PPFIA2: variants seen among roughly 807,000 people sequenced by gnomAD.
PPFIA2 encodes PPFI scaffold protein A2, also known as liprin-alpha-2.
PPFIA2 carries 46 observed loss-of-function variants against 175.5 expected under a neutral mutation model. The ratio of observed to expected loss-of-function variants is 0.26; its 90% confidence interval spans 0.21 to 0.34. The LOEUF (loss-of-function observed/expected upper bound fraction) is 0.34. PPFIA2 is among the 10% of genes least tolerant of loss of function. The pLI is 1.00. For missense variants in PPFIA2, 1,179 were observed against 1,506.1 expected (o/e 0.78, Z 3.60); for synonymous variants, 568 against 511.4 (o/e 1.11, Z -1.49).
At chr12:81,745,261 C>T (rs2082888408) in intron 3 of PPFIA2, among the ~76,000 whole-genome samples, 2 of 152,132 alleles carry the variant, frequency 1.3e-5, no homozygotes, top group Admixed American at 1.3e-4. Flanking sequence ...AGTTTCTCCC[C>T]TTACACTTGG....
chr12:81,529,567 G>C (rs1417448989), intron 4 of PPFIA2, among the ~76,000 whole-genome samples: 1 of 150,900 alleles, frequency 6.6e-6, no homozygotes, highest in East Asian at 2.0e-4. Context: ...GAAAGAGAGA[G>C]AGAGAGAGAG....
intron 11 of PPFIA2, among the ~76,000 whole-genome samples, chr12:81,373,268 C>T (rs1037413991): frequency 6.6e-6 from 1 of 151,730 alleles, no homozygotes. Context: ...ATCTAACCCC[C>T]CAAAACAGTG....
At chr12:81,526,331 G>A (rs1366503228) in intron 4 of PPFIA2, among the ~76,000 whole-genome samples, 4 of 152,186 alleles carry the variant, frequency 2.6e-5, no homozygotes, top group African/African-American at 9.7e-5. Flanking sequence ...ATTTGTGGCT[G>A]TGAGCTTTTG....
chr12:81,552,746 A>G (rs187597413), intron 4 of PPFIA2, among the ~76,000 whole-genome samples: 193 of 152,222 alleles, frequency 1.3e-3, no homozygotes, highest in Non-Finnish European at 2.0e-3. Context: ...ATTTTACATA[A>G]GTGAAAAAGT....
At chr12:81,314,248 G>T (rs117960328) in intron 22 of PPFIA2, among the ~76,000 whole-genome samples, 10,761 of 151,808 alleles carry the variant, frequency 0.071, 527 homozygotes, top group Middle Eastern at 0.15. Context: ...ATATATATTT[G>T]CAGAGAAGTT....
intron 3 of PPFIA2, among the ~76,000 whole-genome samples, chr12:81,705,305 A>C (rs2076988954): frequency 6.7e-6 from 1 of 150,102 alleles, no homozygotes; most frequent in Non-Finnish European, 1.5e-5. Flanking sequence ...AATACAAAAA[A>C]ATTAGCTGGG....
intron 4 of PPFIA2, among the ~76,000 whole-genome samples, chr12:81,635,969 CAA>C (rs1369051941): frequency 6.6e-6 from 1 of 152,026 alleles, no homozygotes; most frequent in East Asian, 1.9e-4. Context: ...ATTTTAGAAA[CAA>C]AGATATCTTG....
Position 81,267,727 on chromosome 12 carries a change from GATT to G in PPFIA2, c.3486+182_3486+184del, listed in dbSNP as rs752732567. ...AAATCCCTTTCTTGTTTAATTGTAT[GATT>G]TTTTTTTTTTTTTTTTTGGCTAGAA... On this transcript the variant is annotated intron_variant, in intron 29 of 32. Transcript: ENST00000549396. Among the ~76,000 whole-genome samples, 1,225 of 136,904 alleles carry G rather than the reference GATT, an allele frequency of 8.9e-3. 21 individuals are homozygous for G. Among genetic ancestry groups the G allele is most frequent in the African/African-American group, 0.034 (1,154 of 34,110 alleles). 89.8% of individuals were successfully genotyped at this position (136,904 alleles called of 152,430 possible).
intron 3 of PPFIA2, among the ~76,000 whole-genome samples, chr12:81,688,468 A>T (rs933593769): frequency 2.6e-5 from 4 of 151,910 alleles, no homozygotes; most frequent in African/African-American, 9.7e-5. Context: ...CTTCAATTAC[A>T]TGATGCTTAG....
At chr12:81,696,124 T>C (rs1416460667) in intron 3 of PPFIA2, among the ~76,000 whole-genome samples, 2 of 152,188 alleles carry the variant, frequency 1.3e-5, no homozygotes, top group African/African-American at 4.8e-5. Context: ...CTTAAGAGTT[T>C]TGTGTTTTAA....
intron 4 of PPFIA2, among the ~76,000 whole-genome samples, chr12:81,637,905 C>T (rs557820974): frequency 6.6e-6 from 1 of 152,066 alleles, no homozygotes; most frequent in African/African-American, 2.4e-5. Context: ...ACATACATAT[C>T]TTTAAAAGGT....
At chr12:81,482,437 A>C (rs2058344140) in intron 4 of PPFIA2, among the ~76,000 whole-genome samples, 1 of 152,222 alleles carries the variant, frequency 6.6e-6, no homozygotes, top group East Asian at 1.9e-4. Flanking sequence ...ACACATGCAC[A>C]CATATGTTTA....
At chr12:81,493,913 A>G (rs2059722178) in intron 4 of PPFIA2, among the ~76,000 whole-genome samples, 1 of 151,510 alleles carries the variant, frequency 6.6e-6, no homozygotes, top group Non-Finnish European at 1.5e-5. Context: ...AATAAACATG[A>G]AAAAGTTATT....
intron 3 of PPFIA2, among the ~76,000 whole-genome samples, chr12:81,705,652 T>C (rs1457452731): frequency 1.3e-5 from 2 of 151,814 alleles, no homozygotes; most frequent in Non-Finnish European, 2.9e-5. Context: ...TCTTGGGGAG[T>C]AAAGATTTTC....
At chr12:81,365,787 G>T (rs1184368268) in intron 14 of PPFIA2, among the ~76,000 whole-genome samples, 2 of 151,616 alleles carry the variant, frequency 1.3e-5, no homozygotes, top group Non-Finnish European at 2.9e-5. Flanking sequence ...CTATATTCTA[G>T]GCCCCACATT....
chr12:81,604,493 C>T (rs1393008456), intron 4 of PPFIA2, among the ~76,000 whole-genome samples: 1 of 150,618 alleles, frequency 6.6e-6, no homozygotes, highest in Non-Finnish European at 1.5e-5. Flanking sequence ...TAACATCTTT[C>T]TTTAGTTTGC....
Position 81,375,920 on chromosome 12 carries a change from A to G in PPFIA2, c.1007T>C (p.Met336Thr), listed in dbSNP as rs768496425. Residue 336 changes from methionine to threonine, a missense_variant, in exon 10 of 33, where the codon ATG becomes ACG. By Grantham distance (81) the Met-to-Thr change is moderately conservative. Transcript: ENST00000549396. ...IREAMAQKEDMEERITTLEKR... is the reference protein window; with the variant it reads ...IREAMAQKEDTEERITTLEKR... ...TTCAAGGGTTGTAATTCTTTCTTCC[A>G]TATCTTCCTTTTGTGCCATGGCCTA... 1 of 1,613,296 alleles carries G rather than the reference A, an allele frequency of 6.2e-7. No individual in the cohort carries two copies.
chr12:81,398,717 A>G (rs1387739638), intron 8 of PPFIA2, among the ~76,000 whole-genome samples: 4 of 152,088 alleles, frequency 2.6e-5, no homozygotes, highest in African/African-American at 9.7e-5. Context: ...GCTAACTTTA[A>G]AGGTTAAGCA....
At chr12:81,537,372 G>A (rs113563184) in intron 4 of PPFIA2, among the ~76,000 whole-genome samples, 1 of 151,888 alleles carries the variant, frequency 6.6e-6, no homozygotes, top group Non-Finnish European at 1.5e-5. Flanking sequence ...AAATAAAAGA[G>A]GAGAAAGAGT....
Sources: gnomAD v4.1 joint callset for allele counts (sites outside exome capture counted in the v4.1 genomes callset) on GRCh38, gnomAD v4.1.1 for gene constraint, MANE v1.5 for transcripts, NCBI Gene and HGNC (gene_info 2026-07-23, HGNC 2026-07-21) for gene names.